Variants in TANC2 observed in about 807,000 individuals in gnomAD.
TANC2 encodes the protein protein TANC2.
In TANC2, 26 loss-of-function variants were observed where a neutral mutation model predicts 210.5. That is an observed-to-expected ratio of 0.12 (90% CI 0.09 to 0.17). TANC2 has a LOEUF of 0.17. Among genes scored for constraint, TANC2 ranks in the 10% least tolerant of loss-of-function variants. The pLI is 1.00. For missense variants in TANC2, 2,129 were observed against 2,608.9 expected (o/e 0.82, Z 4.01); for synonymous variants, 931 against 967.1 (o/e 0.96, Z 0.69).
At chr17:63,345,028 C>A (rs1223301329) in intron 12 of TANC2, among the ~76,000 whole-genome samples, 3 of 152,192 alleles carry the variant, frequency 2.0e-5, no homozygotes, top group Non-Finnish European at 2.9e-5. Context: ...CCTGCTCTGC[C>A]ACCAAACATA....
intron 5 of TANC2, among the ~76,000 whole-genome samples, chr17:63,179,866 T>G (rs1229424032): frequency 6.6e-6 from 1 of 151,960 alleles, no homozygotes; most frequent in Non-Finnish European, 1.5e-5. Flanking sequence ...ATATTTCTTC[T>G]AGGCTGGGCA....
At chr17:63,119,029 AC>A (rs2038360607) in intron 4 of TANC2, among the ~76,000 whole-genome samples, 1 of 151,780 alleles carries the variant, frequency 6.6e-6, no homozygotes, top group Non-Finnish European at 1.5e-5. Context: ...TGATCCGCCC[AC>A]CCCAGCCTCC....
chr17:63,137,170 A>G (rs900862107), intron 4 of TANC2, among the ~76,000 whole-genome samples: 1 of 152,218 alleles, frequency 6.6e-6, no homozygotes, highest in African/African-American at 2.4e-5. Context: ...AAGAACACAC[A>G]TTAGTAGTAA....
chr17:63,311,174 G>T (rs1198819827), intron 9 of TANC2, among the ~76,000 whole-genome samples: 3 of 152,112 alleles, frequency 2.0e-5, no homozygotes, highest in Non-Finnish European at 4.4e-5. Flanking sequence ...TATAGTAAAG[G>T]CTATTTCATT....
chr17:63,329,000 C>T (rs2045748092), intron 11 of TANC2, among the ~76,000 whole-genome samples: 1 of 152,134 alleles, frequency 6.6e-6, no homozygotes, highest in Non-Finnish European at 1.5e-5. Context: ...CTTCCCTTCT[C>T]CAACATATGA....
exon 28 of TANC2, chr17:63,422,669 A>G (rs1384251752): frequency 6.6e-6 from 1 of 152,252 alleles, no homozygotes; most frequent in Non-Finnish European, 1.5e-5. Context: ...GCAGTCAGCC[A>G]AGGAAATTAG....
chr17:63,033,514 A>G (rs532460115), intron 2 of TANC2, among the ~76,000 whole-genome samples: 2 of 152,272 alleles, frequency 1.3e-5, no homozygotes, highest in East Asian at 1.9e-4. Context: ...TATCATCCCA[A>G]CACTATAAGC....
intron 19 of TANC2, among the ~76,000 whole-genome samples, chr17:63,403,838 C>A (rs1319499996): frequency 1.3e-5 from 2 of 152,110 alleles, no homozygotes; most frequent in South Asian, 2.1e-4. Flanking sequence ...TTTATACTTG[C>A]GGAAATTACA....
chr17:63,010,463 T>G (rs886909967), intron 2 of TANC2, among the ~76,000 whole-genome samples: 7 of 137,396 alleles, frequency 5.1e-5, no homozygotes, highest in Non-Finnish European at 4.6e-5. Context: ...AATATGTGGG[T>G]TTTTTTTTTT....
chr17:63,287,527 G>C (rs1160703886), intron 9 of TANC2, among the ~76,000 whole-genome samples: 1 of 152,042 alleles, frequency 6.6e-6, no homozygotes, highest in African/African-American at 2.4e-5. Flanking sequence ...ATATTCTTAA[G>C]CTTTTTTCTG....
chr17:63,385,398 T>C (rs1359793949), intron 15 of TANC2, among the ~76,000 whole-genome samples: 1 of 152,192 alleles, frequency 6.6e-6, no homozygotes, highest in Non-Finnish European at 1.5e-5. Flanking sequence ...TCTTCCAGGA[T>C]CTACAGTGCA....
At chr17:63,045,289 T>G (rs2035335869) in intron 2 of TANC2, among the ~76,000 whole-genome samples, 1 of 152,210 alleles carries the variant, frequency 6.6e-6, no homozygotes, top group Non-Finnish European at 1.5e-5. Context: ...CAGACCCATG[T>G]TTTAGATTGA....
intron 27 of TANC2, 87 bp from the exon 28 acceptor site, chr17:63,419,912 C>T (rs2147412373): frequency 8.4e-6 from 12 of 1,430,188 alleles, no homozygotes; most frequent in Middle Eastern, 1.8e-4. Flanking sequence ...CCACAGCTCT[C>T]TGAGATAGTG....
chr17:63,139,377 A>G (rs1349247006), intron 4 of TANC2, among the ~76,000 whole-genome samples: 2 of 152,202 alleles, frequency 1.3e-5, no homozygotes, highest in East Asian at 3.9e-4. Context: ...CTGTATTCCC[A>G]GCACTATGGG....
chr17:63,344,573 A>G (rs1184098594), intron 12 of TANC2, among the ~76,000 whole-genome samples: 1 of 152,234 alleles, frequency 6.6e-6, no homozygotes. Context: ...TTTGCAGACA[A>G]CATAATTGTT....
intron 9 of TANC2, among the ~76,000 whole-genome samples, chr17:63,312,743 A>T (rs1453753978): frequency 6.6e-6 from 1 of 152,168 alleles, no homozygotes; most frequent in Admixed American, 6.6e-5. Context: ...ATTATTAATA[A>T]ATACAAGAGT....
chr17:63,199,698 TAGAA>T (rs2041465165), intron 6 of TANC2, among the ~76,000 whole-genome samples: 1 of 152,140 alleles, frequency 6.6e-6, no homozygotes, highest in African/African-American at 2.4e-5. Flanking sequence ...TTTATTTGTG[TAGAA>T]AGAGTTGAAG....
At chr17:63,328,813 A>G (rs1164032718) in intron 11 of TANC2, among the ~76,000 whole-genome samples, 1 of 152,180 alleles carries the variant, frequency 6.6e-6, no homozygotes, top group African/African-American at 2.4e-5. Flanking sequence ...AAATGATACA[A>G]TAGGGAGGTG....
At position 63,029,458 on chromosome 17, in the gene TANC2, T is replaced by G. The variant is rs570363138; in HGVS notation, c.67+19832T>G. Among the ~76,000 whole-genome samples, 18 of 152,280 alleles carry G rather than the reference T, an allele frequency of 1.2e-4. No individual in the cohort carries two copies. In the South Asian group the frequency reaches 3.7e-3, roughly 32 times the overall value. On this transcript the variant is annotated intron_variant, in intron 2 of 27. Coordinates refer to ENST00000689528, the Ensembl canonical transcript of TANC2. The stretch of plus-strand genomic sequence containing the variant: ...AAATTTTCTGAGAAAGTCATAATTA[T>G]TCTGGTCTTATGTTTTGTGATTTAA...
Sources: allele counts gnomAD v4.1 joint callset (sites outside exome capture counted in the v4.1 genomes callset), GRCh38; gene constraint gnomAD v4.1.1; transcripts MANE v1.5; gene names NCBI Gene and HGNC (gene_info 2026-07-23, HGNC 2026-07-21).